The following TMPRSS11F variants were observed in gnomAD, a reference collection of about 807,000 sequenced individuals.
TMPRSS11F encodes the protein transmembrane serine protease 11F.
In TMPRSS11F, 47 loss-of-function variants were observed where a neutral mutation model predicts 60.2. That is an observed-to-expected ratio of 0.78 (90% confidence interval 0.62 to 1.00). TMPRSS11F has a LOEUF of 1.00. Among genes scored for constraint, TMPRSS11F ranks in the 50% least tolerant of loss-of-function variants. The pLI, the probability that TMPRSS11F is intolerant of heterozygous loss-of-function variation, is 0.00. For missense variants in TMPRSS11F, 519 were observed against 522.9 expected (o/e 0.99, Z 0.07); for synonymous variants, 166 against 167.3 (o/e 0.99, Z 0.06).
intron 1 of TMPRSS11F, among the ~76,000 whole-genome samples, chr4:68,126,361 A>G (rs184280245): frequency 2.0e-5 from 3 of 152,324 alleles, no homozygotes; most frequent in Admixed American, 2.0e-4. Context: ...CTAGTCTATA[A>G]GCATCTATCT....
intron 3 of TMPRSS11F, among the ~76,000 whole-genome samples, chr4:68,079,425 TTAAAG>T (rs1188399520): frequency 1.3e-5 from 2 of 152,150 alleles, no homozygotes; most frequent in African/African-American, 4.8e-5. Context: ...AAAGAAACCC[TTAAAG>T]AAGCCCTCAA....
intron 3 of TMPRSS11F, among the ~76,000 whole-genome samples, chr4:68,087,577 C>T (rs1325655860): frequency 5.7e-5 from 8 of 140,140 alleles, no homozygotes. Flanking sequence ...AATAATCTAT[C>T]TTCACAAATG....
chr4:68,075,411 A>T (rs1453376478), intron 3 of TMPRSS11F, among the ~76,000 whole-genome samples: 1 of 152,036 alleles, frequency 6.6e-6, no homozygotes, highest in Non-Finnish European at 1.5e-5. Flanking sequence ...ACCCTGCCTC[A>T]AGTTCAATAT....
intron 2 of TMPRSS11F, among the ~76,000 whole-genome samples, chr4:68,097,375 T>A (rs6837751): frequency 0.036 from 5,436 of 152,246 alleles, 276 homozygotes; most frequent in African/African-American, 0.11. Flanking sequence ...CTACCCTCAT[T>A]CCTTTGCTGA....
chr4:68,114,820 G>A (rs1238182558), intron 1 of TMPRSS11F, among the ~76,000 whole-genome samples: 1 of 151,410 alleles, frequency 6.6e-6, no homozygotes, highest in African/African-American at 2.4e-5. Flanking sequence ...ATAAAAACAA[G>A]TGAGATTTAT....
At position 68,064,937 on chromosome 4, in the gene TMPRSS11F, C is replaced by T; in HGVS notation, c.763G>A (p.Asp255Asn). The T allele has an allele frequency of 1.9e-6, 3 of 1,608,788 alleles. No individual in the cohort carries two copies. The highest frequency in any genetic ancestry group is 2.5e-6 in the Non-Finnish European group (3 of 1,178,048). ...TAAHCFWKNK[D>N]PTQWIATFGA... ...AAAGTAGCAATCCATTGAGTTGGGT[C>T]TTTATTTCTGCAAAAAATTAAAAAG... The change falls in exon 8 of 10, where the codon GAC (aspartate) becomes AAC (asparagine). Residue 255 changes from aspartate to asparagine, a missense_variant. By Grantham distance (23) the Asp-to-Asn change is conservative. Coordinates refer to ENST00000356291, the MANE Select transcript of TMPRSS11F (RefSeq NM_207407.2).
intron 8 of TMPRSS11F, chr4:68,062,488 A>G (rs2109832600): frequency 1.5e-6 from 1 of 688,294 alleles, no homozygotes; most frequent in East Asian, 2.9e-5. Flanking sequence ...TAGAAACAGT[A>G]ATGTTGTAAT....
intron 1 of TMPRSS11F, among the ~76,000 whole-genome samples, chr4:68,104,244 C>T (rs1724254747): frequency 6.6e-6 from 1 of 152,074 alleles, no homozygotes; most frequent in Non-Finnish European, 1.5e-5. Context: ...TCAGTTTTTC[C>T]CCACTGATTA....
At chr4:68,069,907 A>G (rs1269551637) in intron 6 of TMPRSS11F, 62 bp downstream of exon 6, 24 of 1,412,962 alleles carry the variant, frequency 1.7e-5, no homozygotes, top group Non-Finnish European at 2.2e-5. Flanking sequence ...CAACTTTTCT[A>G]TAACTTTTTT....
intron 7 of TMPRSS11F, 36 bp downstream of exon 7, chr4:68,068,582 T>C (rs1560395022): frequency 6.3e-7 from 1 of 1,584,422 alleles, no homozygotes; most frequent in East Asian, 2.2e-5. Flanking sequence ...ATGAGGACTG[T>C]GAAAAGAAGG....
intron 3 of TMPRSS11F, among the ~76,000 whole-genome samples, chr4:68,086,697 T>C (rs1295439255): frequency 6.6e-6 from 1 of 151,964 alleles, no homozygotes; most frequent in East Asian, 1.9e-4. Flanking sequence ...TTACAACCAA[T>C]CCCACAGAAA....
At chr4:68,117,313 G>C (rs1342152906) in intron 1 of TMPRSS11F, among the ~76,000 whole-genome samples, 2 of 151,400 alleles carry the variant, frequency 1.3e-5, no homozygotes, top group Admixed American at 1.3e-4. Context: ...TAAAAATACA[G>C]AAAATTAGCT....
chr4:68,074,109 T>C (rs1723537247), intron 3 of TMPRSS11F, 100 bp from the exon 4 acceptor site: 5 of 684,764 alleles, frequency 7.3e-6, no homozygotes, highest in Non-Finnish European at 9.1e-6. Flanking sequence ...GTGTTATTCC[T>C]TGTCTTATCT....
intron 1 of TMPRSS11F, among the ~76,000 whole-genome samples, chr4:68,124,554 T>C (rs951522697): frequency 1.2e-4 from 19 of 152,240 alleles, no homozygotes; most frequent in Admixed American, 3.9e-4. Context: ...TTTTTATTGA[T>C]TCATTGATTC....
At chr4:68,103,010 G>A (rs1451926904) in intron 1 of TMPRSS11F, among the ~76,000 whole-genome samples, 6 of 135,624 alleles carry the variant, frequency 4.4e-5, no homozygotes, top group Non-Finnish European at 4.7e-5. Flanking sequence ...TAAGGTGTAA[G>A]GTAGGTTTTA....
intron 1 of TMPRSS11F, among the ~76,000 whole-genome samples, chr4:68,111,117 A>C (rs1724403114): frequency 6.6e-6 from 1 of 152,164 alleles, no homozygotes; most frequent in African/African-American, 2.4e-5. Context: ...TAACATAACT[A>C]AATCTCAGTA....
intron 1 of TMPRSS11F, among the ~76,000 whole-genome samples, chr4:68,124,799 C>CTTTTGTTT (rs1307882514): frequency 4.6e-5 from 7 of 152,184 alleles, no homozygotes; most frequent in African/African-American, 1.7e-4. Flanking sequence ...AGTATCTAGA[C>CTTTTGTTT]ACACCCTACA....
intron 7 of TMPRSS11F, among the ~76,000 whole-genome samples, chr4:68,067,363 G>A (rs1723351683): frequency 6.6e-6 from 1 of 152,160 alleles, no homozygotes; most frequent in African/African-American, 2.4e-5. Context: ...CAAGCTCAAT[G>A]GGCAATTCCC....
intron 1 of TMPRSS11F, among the ~76,000 whole-genome samples, chr4:68,127,627 T>G (rs1724739477): frequency 6.6e-6 from 1 of 152,136 alleles, no homozygotes; most frequent in African/African-American, 2.4e-5. Context: ...ACTTCAGGGC[T>G]ATCTAACCCA....
Sources: allele counts gnomAD v4.1 joint callset (sites outside exome capture counted in the v4.1 genomes callset), GRCh38; gene constraint gnomAD v4.1.1; transcripts MANE v1.5; gene names NCBI Gene and HGNC (gene_info 2026-07-23, HGNC 2026-07-21).